The following TEX9 variants were observed in gnomAD, a reference collection of about 807,000 sequenced individuals.
The protein encoded by TEX9 is testis expressed 9, also known as testis-expressed protein 9.
In TEX9, 74 loss-of-function variants were observed where a neutral mutation model predicts 59.6. The observed-to-expected ratio is 1.24, with a 90% CI of 1.03 to 1.51. The LOEUF is 1.51. Among genes scored for constraint, TEX9 ranks in the 40% most tolerant of loss-of-function variants. The pLI is 0.00. For synonymous variants in TEX9, 186 were observed against 152.2 expected (o/e 1.22, Z -1.64); for missense variants, 522 against 447.8 (o/e 1.17, Z -1.49).
intron 9 of TEX9, among the ~76,000 whole-genome samples, chr15:56,401,929 C>T (rs2048807656): frequency 6.6e-6 from 1 of 152,092 alleles, no homozygotes. Context: ...TTCTTTGAAA[C>T]CAATGAGAAC....
At chr15:56,308,027 T>C (rs2045522488) in intron 1 of TEX9, among the ~76,000 whole-genome samples, 1 of 152,218 alleles carries the variant, frequency 6.6e-6, no homozygotes, top group Non-Finnish European at 1.5e-5. Context: ...TTATGAATAA[T>C]GCTACTGTGA....
intron 1 of TEX9, among the ~76,000 whole-genome samples, chr15:56,332,945 A>T (rs1025663750): frequency 9.2e-5 from 14 of 152,174 alleles, no homozygotes; most frequent in African/African-American, 2.9e-4. Flanking sequence ...TGCTAGATAC[A>T]TAAAACCTAC....
chr15:56,366,250 A>G (rs1759438485), intron 2 of TEX9, among the ~76,000 whole-genome samples: 1 of 152,164 alleles, frequency 6.6e-6, no homozygotes, highest in Admixed American at 6.5e-5. Context: ...AATTTGATCT[A>G]CCATGCCTTT....
intron 3 of TEX9, among the ~76,000 whole-genome samples, chr15:56,381,965 G>T (rs1311299506): frequency 6.6e-6 from 1 of 152,146 alleles, no homozygotes. Flanking sequence ...CCCAGGCCCT[G>T]GGTGGGTCCA....
chr15:56,344,181 A>G (rs543930141), intron 1 of TEX9, among the ~76,000 whole-genome samples: 23 of 152,190 alleles, frequency 1.5e-4, no homozygotes, highest in Non-Finnish European at 2.9e-4. Flanking sequence ...TATCCAAGAG[A>G]ACTGAAAACA....
At chr15:56,413,224 AATTT>A (rs1268216343) in intron 10 of TEX9, among the ~76,000 whole-genome samples, 5 of 147,598 alleles carry the variant, frequency 3.4e-5, no homozygotes, top group South Asian at 2.1e-4. Flanking sequence ...TAAATAATTT[AATTT>A]ATTTAATACT....
intron 1 of TEX9, among the ~76,000 whole-genome samples, chr15:56,305,392 T>G (rs1231320294): frequency 6.6e-6 from 1 of 152,086 alleles, no homozygotes; most frequent in Admixed American, 6.5e-5. Context: ...ACAGAGCTAT[T>G]GTAATCAAAA....
At chr15:56,445,766 A>G (rs1247109687) in exon 13 of TEX9, 1 of 152,018 alleles carries the variant, frequency 6.6e-6, no homozygotes, top group Non-Finnish European at 1.5e-5. Flanking sequence ...TTGTGGATCA[A>G]TTTTTATTTG....
At chr15:56,352,507 C>A (rs2046604488) in intron 1 of TEX9, among the ~76,000 whole-genome samples, 1 of 152,030 alleles carries the variant, frequency 6.6e-6, no homozygotes, top group East Asian at 1.9e-4. Flanking sequence ...CTCGTCTTGG[C>A]CTCCCTAAGT....
upstream of TEX9, among the ~76,000 whole-genome samples, chr15:56,363,028 G>T (rs2046818407): frequency 6.6e-6 from 1 of 151,930 alleles, no homozygotes; most frequent in Admixed American, 6.6e-5. Flanking sequence ...TTTGCATTTT[G>T]GCTGTTATGA....
At chr15:56,383,053 A>G (rs1345304294) in intron 3 of TEX9, among the ~76,000 whole-genome samples, 1 of 152,224 alleles carries the variant, frequency 6.6e-6, no homozygotes, top group Non-Finnish European at 1.5e-5. Flanking sequence ...CTTGCTGACA[A>G]ACTGGAGTTC....
At chr15:56,317,864 T>G (rs1211282780) in intron 1 of TEX9, among the ~76,000 whole-genome samples, 1 of 152,182 alleles carries the variant, frequency 6.6e-6, no homozygotes, top group African/African-American at 2.4e-5. Flanking sequence ...CAATTTTTGT[T>G]GGAGGGCACA....
chr15:56,333,566 A>G (rs138639878), intron 1 of TEX9, among the ~76,000 whole-genome samples: 231 of 152,214 alleles, frequency 1.5e-3, no homozygotes, highest in African/African-American at 5.4e-3. Flanking sequence ...TAGATAGTAT[A>G]TCACGCTGAA....
At chr15:56,428,227 T>C in intron 11 of TEX9, 140 bp from the exon 12 acceptor site, 2 of 582,528 alleles carry the variant, frequency 3.4e-6, no homozygotes, top group East Asian at 5.6e-5. Context: ...ATATCATGCT[T>C]ATTGGAATTA....
At chr15:56,300,930 C>A (rs568330234) in intron 1 of TEX9, among the ~76,000 whole-genome samples, 2 of 152,298 alleles carry the variant, frequency 1.3e-5, no homozygotes, top group East Asian at 3.9e-4. Flanking sequence ...AAATATCTAA[C>A]TCTTAACTGC....
intron 4 of TEX9, 56 bp downstream of exon 4, chr15:56,384,087 A>G: frequency 7.3e-7 from 1 of 1,363,208 alleles, no homozygotes; most frequent in Non-Finnish European, 1.0e-6. Flanking sequence ...ATGGATCGTT[A>G]TGTAAGATCT....
chr15:56,397,469 A>G (rs1367877972), intron 9 of TEX9: 5 of 152,352 alleles, frequency 3.3e-5, no homozygotes, highest in African/African-American at 7.2e-5. Flanking sequence ...AGCCGGCTGC[A>G]GAAATTTGCA....
At chr15:56,408,454 A>G (rs2049183712) in intron 9 of TEX9, 2 of 152,188 alleles carry the variant, frequency 1.3e-5, no homozygotes, top group Admixed American at 6.5e-5. Flanking sequence ...TTCTCTGTCT[A>G]TATCTAATCC....
At chr15:56,426,308 A>G (rs1479514428) in intron 10 of TEX9, among the ~76,000 whole-genome samples, 1 of 151,848 alleles carries the variant, frequency 6.6e-6, no homozygotes, top group Non-Finnish European at 1.5e-5. Flanking sequence ...CTTCTTCCTG[A>G]CTGTGCTGTG....
Sources: allele counts gnomAD v4.1 joint callset (sites outside exome capture counted in the v4.1 genomes callset), GRCh38; gene constraint gnomAD v4.1.1; transcripts MANE v1.5; gene names NCBI Gene and HGNC (gene_info 2026-07-23, HGNC 2026-07-21).